The following AMD1 variants were observed in gnomAD, a reference collection of about 807,000 sequenced individuals.
AMD1 encodes the protein S-adenosylmethionine decarboxylase proenzyme.
In AMD1, 11 loss-of-function variants were observed where a neutral mutation model predicts 40.2. The observed-to-expected ratio is 0.27, with a 90% CI of 0.17 to 0.45. AMD1 has a LOEUF of 0.45. Ranked by LOEUF, AMD1 falls within the 20% of genes least tolerant of loss-of-function variation. The probability of loss-of-function intolerance (pLI) is 1.00; values close to 1 mark genes in which losing one functional copy is unlikely to be tolerated. For synonymous variants in AMD1, 121 were observed against 130.8 expected, an observed-to-expected ratio of 0.93 and a Z score of 0.51; for missense variants, 257 against 410.2, an observed-to-expected ratio of 0.63 and a Z score of 3.23.
rs1271435157 is a variant in AMD1, at chr6:110,895,527, G to A, written c.*1911G>A. ...GTTGAAAAACTGCACAAATTTTTATGGGACAAAGCCTAGAAAAGAGAAATG... is the reference window on the plus strand; with the variant it reads ...GTTGAAAAACTGCACAAATTTTTATAGGACAAAGCCTAGAAAAGAGAAATG... On this transcript the variant is annotated 3_prime_UTR_variant, in exon 9 of 9. Transcript: ENST00000368885. 1.3e-5 allele frequency: 2 copies of A among 152,432 alleles called. No homozygotes were observed. Among genetic ancestry groups the A allele is most frequent in the Admixed American group, 6.6e-5 (1 of 15,240 alleles). The allele number at this position is 152,432 out of a possible 1,614,324, so 9.4% of individuals were successfully genotyped here.
chr6:110,865,661 C>T, the AMD1 span, among the ~76,000 whole-genome samples: 2 of 152,140 alleles, frequency 1.3e-5, no homozygotes, highest in South Asian at 4.1e-4. Context: ...TCCCAAAGTG[C>T]TGGGATCACA....
At chr6:110,860,615 A>G in the AMD1 span, among the ~76,000 whole-genome samples, 1 of 151,358 alleles carries the variant, frequency 6.6e-6, no homozygotes. Context: ...CCTGCCCAAC[A>G]TGGTGAAACC....
intron 4 of AMD1, chr6:110,891,881 T>C (rs1786037925): frequency 2.4e-6 from 1 of 424,338 alleles, no homozygotes. Context: ...TAGCTGGGAT[T>C]ATAGGCATGT....
the AMD1 span, among the ~76,000 whole-genome samples, chr6:110,852,635 T>C: frequency 2.0e-5 from 3 of 152,210 alleles, no homozygotes; most frequent in Non-Finnish European, 4.4e-5. Context: ...AAAGGCACAT[T>C]CTCTTGCCTT....
At chr6:110,889,237 T>A in intron 3 of AMD1, 1 of 250,494 alleles carries the variant, frequency 4.0e-6, no homozygotes, top group Non-Finnish European at 7.6e-6. Flanking sequence ...AGTTAATTTC[T>A]TAACATGGCT....
chr6:110,890,193 A>C (rs1785935653), intron 3 of AMD1, 61 bp from the exon 4 acceptor site: 3 of 1,270,926 alleles, frequency 2.4e-6, no homozygotes, highest in Admixed American at 5.0e-5. Flanking sequence ...AGCTTCGAAA[A>C]GTGATAGAAT....
chr6:110,893,029 G>C lies in AMD1; in HGVS notation c.828G>C (p.Lys276Asn). 6.2e-7 allele frequency: 1 copy of C among 1,610,740 alleles called. No individual in the cohort carries two copies. The highest frequency in any genetic ancestry group is 1.3e-5 in the African/African-American group (1 of 74,962). Residue 276 changes from lysine to asparagine, a missense_variant, in exon 8 of 9, where the codon AAG becomes AAC. Around this residue, in one of 3 missense-constraint regions of AMD1, gnomAD observed 192 missense variants for 296.5 expected, o/e 0.65. Coordinates refer to ENST00000368885, the MANE Select transcript of AMD1 (RefSeq NM_001634.6). ...DLIRKVVEVFKPGKFVTTLFV... is the reference protein window; with the variant it reads ...DLIRKVVEVFNPGKFVTTLFV... ...TCAGGAAAGTTGTAGAAGTCTTCAA[G>C]CCAGGAAAATTTGTGACCACCTTGT... is the stretch of plus-strand genomic sequence containing the variant.
At chr6:110,880,648 G>A (rs1263438749) in intron 1 of AMD1, among the ~76,000 whole-genome samples, 1 of 106,524 alleles carries the variant, frequency 9.4e-6, no homozygotes, top group East Asian at 1.9e-4. Flanking sequence ...TGGGACTCTT[G>A]TTCAAGATAG....
At chr6:110,868,645 A>T in the AMD1 span, among the ~76,000 whole-genome samples, 1 of 152,230 alleles carries the variant, frequency 6.6e-6, no homozygotes, top group Non-Finnish European at 1.5e-5. Context: ...ATCAAATAAA[A>T]TTATATTTTC....
the AMD1 span, chr6:110,815,298 G>T: frequency 1.4e-6 from 1 of 740,140 alleles, no homozygotes; most frequent in Non-Finnish European, 1.9e-6. Context: ...CTTCAGCAAG[G>T]GACTCCTCGG....
the AMD1 span, among the ~76,000 whole-genome samples, chr6:110,853,059 T>C: frequency 2.0e-5 from 3 of 150,878 alleles, no homozygotes; most frequent in African/African-American, 4.9e-5. Flanking sequence ...TGGTCTGAAA[T>C]TGACTCTGCA....
the AMD1 span, among the ~76,000 whole-genome samples, chr6:110,865,785 T>C: frequency 1.3e-5 from 2 of 152,020 alleles, no homozygotes; most frequent in Admixed American, 6.6e-5. Context: ...TTGTTTGAGA[T>C]AGAGTCTCAC....
At chr6:110,827,545 A>C in the AMD1 span, among the ~76,000 whole-genome samples, 29 of 152,042 alleles carry the variant, frequency 1.9e-4, no homozygotes, top group Non-Finnish European at 8.8e-5. Flanking sequence ...TGGGTGGATC[A>C]CCTGGCGTCA....
At chr6:110,823,273 T>C in the AMD1 span, among the ~76,000 whole-genome samples, 1 of 152,148 alleles carries the variant, frequency 6.6e-6, no homozygotes, top group Non-Finnish European at 1.5e-5. Context: ...AACATCACAC[T>C]GAATGGGGAA....
At chr6:110,839,775 T>C in the AMD1 span, among the ~76,000 whole-genome samples, 1 of 152,268 alleles carries the variant, frequency 6.6e-6, no homozygotes, top group East Asian at 1.9e-4. Flanking sequence ...ACAATTATAA[T>C]TGGAGCTTAG....
the AMD1 span, among the ~76,000 whole-genome samples, chr6:110,847,811 G>C: frequency 6.6e-6 from 1 of 151,074 alleles, no homozygotes; most frequent in African/African-American, 2.4e-5. Context: ...TCCCCGGCTC[G>C]AGCAATTCTC....
chr6:110,815,754 T>TAC, the AMD1 span: 2 of 152,578 alleles, frequency 1.3e-5, no homozygotes, highest in South Asian at 4.0e-4. Context: ...GGGAAGGGGA[T>TAC]ACTTCACTGT....
chr6:110,847,480 G>C, the AMD1 span, among the ~76,000 whole-genome samples: 1 of 151,324 alleles, frequency 6.6e-6, no homozygotes, highest in African/African-American at 2.4e-5. Flanking sequence ...AGCCGAGATC[G>C]CGCCACTGCA....
the AMD1 span, among the ~76,000 whole-genome samples, chr6:110,816,754 A>G: frequency 6.6e-6 from 1 of 151,984 alleles, no homozygotes; most frequent in African/African-American, 2.4e-5. Flanking sequence ...GGAAGCCCCA[A>G]ACCCCACTTT....
Sources: gnomAD v4.1 joint callset for allele counts (sites outside exome capture counted in the v4.1 genomes callset) on GRCh38, gnomAD v4.1.1 for gene constraint, gnomAD v4.1.1 regional missense constraint, MANE v1.5 for transcripts, NCBI Gene and HGNC (gene_info 2026-07-23, HGNC 2026-07-21) for gene names.